NPEPPS: variants seen among roughly 807,000 people sequenced by gnomAD.
NPEPPS encodes the protein aminopeptidase puromycin sensitive.
A neutral mutation model predicts 115.5 loss-of-function variants in NPEPPS; 14 were observed. The observed-to-expected ratio is 0.12, with a 90% CI of 0.08 to 0.19. The LOEUF is 0.19. NPEPPS is among the 10% of genes least tolerant of loss of function. The pLI is 1.00. For synonymous variants in NPEPPS, 285 were observed against 390.6 expected (o/e 0.73, Z 3.19); for missense variants, 523 against 1,110.8 (o/e 0.47, Z 7.52).
At chr17:47,569,644 G>A in intron 3 of NPEPPS, 150 bp downstream of exon 3, 1 of 581,656 alleles carries the variant, frequency 1.7e-6, no homozygotes, top group South Asian at 2.3e-5. Context: ...TTGAGACGGA[G>A]TCTTACTCTA....
In NPEPPS at chr17:47,605,559, GATA is replaced by G. The variant is rs1567868164; in HGVS notation, c.2095+8_2095+10del. 5.2e-6 allele frequency: 8 copies of G among 1,527,472 alleles called. No individual in the cohort carries two copies. Among genetic ancestry groups the G allele is most frequent in the Non-Finnish European group, 7.2e-6 (8 of 1,115,496 alleles). The allele number at this position is 1,527,472 out of a possible 1,614,324, so 94.6% of individuals were successfully genotyped here. On this transcript the variant is annotated splice_region_variant and intron_variant, in intron 17 of 22. Transcript: ENST00000322157. ...GACCCCAAACCTGGAGAAGGTAATG[GATA>G]TACTAAATGGAGAAAGAATTACGCA...
intron 19 of NPEPPS, among the ~76,000 whole-genome samples, chr17:47,618,100 C>T (rs1338303828): frequency 1.3e-5 from 2 of 151,674 alleles, no homozygotes; most frequent in East Asian, 1.9e-4. Context: ...AGGCTGATCT[C>T]GAACTCTTGA....
intron 17 of NPEPPS, among the ~76,000 whole-genome samples, chr17:47,607,605 G>A (rs1024490432): frequency 5.9e-5 from 9 of 152,224 alleles, no homozygotes; most frequent in African/African-American, 2.2e-4. Context: ...CAGACTAAGA[G>A]AAGACGAGAG....
Position 47,613,697 on chromosome 17 carries a change from A to G in NPEPPS, c.2267A>G (p.Asp756Gly), listed in dbSNP as rs1914015968. The change falls in exon 19 of 23, where the codon GAT (aspartate) becomes GGT (glycine). Residue 756 changes from aspartate (D) to glycine (G), a missense_variant. Physicochemically the swap from Asp to Gly is moderately conservative, Grantham distance 94 (BLOSUM62 -1). Transcript: ENST00000322157. Reference protein sequence around the residue: ...PVYLTVLKHGDGTTLDIMLKL... With the variant: ...PVYLTVLKHGGGTTLDIMLKL... The stretch of plus-strand genomic sequence containing the variant: ...TATCTGACTGTTTTGAAGCATGGTG[A>G]TGGCACTACTTTAGATATTATGTTA... The G allele has an allele frequency of 6.2e-7, 1 of 1,611,360 alleles. No individual in the cohort carries two copies. Among genetic ancestry groups the G allele is most frequent in the Non-Finnish European group, 8.5e-7 (1 of 1,179,090 alleles).
At chr17:47,556,562 C>G (rs1158803472) in intron 2 of NPEPPS, among the ~76,000 whole-genome samples, 1 of 152,214 alleles carries the variant, frequency 6.6e-6, no homozygotes, top group South Asian at 2.1e-4. Context: ...AAACCGCCAT[C>G]GTCATCATGG....
At chr17:47,537,832 C>T (rs1163709805) in intron 1 of NPEPPS, among the ~76,000 whole-genome samples, 1 of 151,362 alleles carries the variant, frequency 6.6e-6, no homozygotes, top group South Asian at 2.1e-4. Flanking sequence ...TTATTTTGAA[C>T]ATCTCTCATT....
intron 2 of NPEPPS, among the ~76,000 whole-genome samples, chr17:47,558,318 G>A (rs762937339): frequency 6.6e-6 from 1 of 151,750 alleles, no homozygotes; most frequent in Non-Finnish European, 1.5e-5. Context: ...TAGTAGAGAT[G>A]GGGTTTCACC....
At chr17:47,585,737 T>G (rs1912140145) in intron 6 of NPEPPS, 37 bp downstream of exon 6, 9 of 1,448,538 alleles carry the variant, frequency 6.2e-6, no homozygotes, top group Non-Finnish European at 8.7e-6. Context: ...CAACAGTCCA[T>G]AACTCCAGGT....
At chr17:47,559,110 C>T (rs1328776638) in intron 2 of NPEPPS, among the ~76,000 whole-genome samples, 2 of 151,724 alleles carry the variant, frequency 1.3e-5, no homozygotes, top group East Asian at 1.9e-4. Flanking sequence ...GTGACAGGAT[C>T]GCAGCTTACT....
rs572926933 is a variant in NPEPPS, at chr17:47,531,243, C to T, written c.-58C>T. 2.2e-6 allele frequency: 3 copies of T among 1,371,614 alleles called. No individual in the cohort carries two copies. The highest frequency in any genetic ancestry group is 3.2e-5 in the East Asian group (1 of 30,938). The allele number at this position is 1,371,614 out of a possible 1,614,324, so 85.0% of individuals were successfully genotyped here. A position where few individuals can be genotyped will look rare whatever the true frequency, so the allele number is the denominator to read the frequency against. ...CCCCTAGCGCTCCGGCTGGGTCTCT[C>T]CCCCGCCCCCCAGGCTCCCCCGGTC... is the stretch of plus-strand genomic sequence containing the variant. On this transcript the variant is annotated 5_prime_UTR_variant, in exon 1 of 23. Transcript: ENST00000322157.
At chr17:47,572,869 G>T (rs1054429223) in intron 3 of NPEPPS, among the ~76,000 whole-genome samples, 1 of 152,088 alleles carries the variant, frequency 6.6e-6, no homozygotes, top group Non-Finnish European at 1.5e-5. Flanking sequence ...TCCACCTCGT[G>T]GGTTCCAGTG....
intron 10 of NPEPPS, among the ~76,000 whole-genome samples, chr17:47,591,356 AG>A (rs1214053612): frequency 1.3e-5 from 2 of 152,256 alleles, no homozygotes; most frequent in Non-Finnish European, 2.9e-5. Flanking sequence ...GGGCAACAAG[AG>A]CAAAAAACTC....
At position 47,601,702 on chromosome 17, in the gene NPEPPS, G is replaced by A; in HGVS notation, c.1695G>A (p.Glu565=). 1 of 1,613,642 alleles carries A rather than the reference G, an allele frequency of 6.2e-7. No homozygotes were observed. The highest frequency in any genetic ancestry group is 1.1e-5 in the South Asian group (1 of 91,034). The change falls in exon 15 of 23, where the codon GAG becomes GAA. Residue 565 remains glutamate (E), a synonymous_variant. Coordinates refer to ENST00000322157, the MANE Select transcript of NPEPPS (RefSeq NM_006310.4). The stretch of plus-strand genomic sequence containing the variant: ...TAAAAATTCTAATGGACAAGCCAGA[G>A]ATGAATGTGGTTTTGAAAAATGTCA... ...AKLKILMDKP[E]MNVVLKNVKP... is the part of the protein sequence containing the mutation.
At chr17:47,550,160 C>A (rs1222277540) in intron 2 of NPEPPS, among the ~76,000 whole-genome samples, 9 of 151,970 alleles carry the variant, frequency 5.9e-5, no homozygotes, top group Admixed American at 4.6e-4. Context: ...GTCTCTATCT[C>A]CTGACCTTGT....
At chr17:47,533,880 A>G (rs1908003089) in intron 1 of NPEPPS, among the ~76,000 whole-genome samples, 2 of 152,210 alleles carry the variant, frequency 1.3e-5, no homozygotes, top group South Asian at 4.1e-4. Flanking sequence ...GGCAACACAA[A>G]GATGACACAA....
chr17:47,565,253 G>A (rs542684004), intron 2 of NPEPPS, among the ~76,000 whole-genome samples: 1 of 152,282 alleles, frequency 6.6e-6, no homozygotes, highest in East Asian at 1.9e-4. Context: ...GCTTACACCT[G>A]TAATCCCAAC....
At chr17:47,530,838 G>A (rs1219684508), upstream of NPEPPS, among the ~76,000 whole-genome samples, 2 of 151,866 alleles carry the variant, frequency 1.3e-5, no homozygotes, top group Non-Finnish European at 2.9e-5. Context: ...AACTGCGTAG[G>A]CTTCAATTTC....
At chr17:47,594,721 C>T (rs1912751416) in intron 12 of NPEPPS, among the ~76,000 whole-genome samples, 2 of 152,056 alleles carry the variant, frequency 1.3e-5, no homozygotes, top group Admixed American at 6.5e-5. Flanking sequence ...CAAGCTCCAC[C>T]TCCCGGGTTC....
intron 2 of NPEPPS, among the ~76,000 whole-genome samples, chr17:47,550,828 T>C (rs1909596988): frequency 6.6e-6 from 1 of 151,964 alleles, no homozygotes; most frequent in African/African-American, 2.4e-5. Flanking sequence ...GGTTTCACCA[T>C]GTTGGCCAGC....
Sources: gnomAD v4.1 joint callset for allele counts (sites outside exome capture counted in the v4.1 genomes callset) on GRCh38, gnomAD v4.1.1 for gene constraint, MANE v1.5 for transcripts, NCBI Gene and HGNC (gene_info 2026-07-23, HGNC 2026-07-21) for gene names.